The following COL5A2 variants were observed in gnomAD, a reference collection of about 807,000 sequenced individuals.
The protein encoded by COL5A2 is collagen type V alpha 2 chain, also known as collagen alpha-2(V) chain.
COL5A2 carries 23 observed loss-of-function variants against 208.2 expected under a neutral mutation model. The ratio of observed to expected loss-of-function variants is 0.11; its 90% CI spans 0.08 to 0.16. The LOEUF (loss-of-function observed/expected upper bound fraction) is 0.16. Among genes scored for constraint, COL5A2 ranks in the 10% least tolerant of loss-of-function variants. The pLI is 1.00. For missense variants in COL5A2, 1,590 were observed against 1,956.4 expected (o/e 0.81, Z 3.53); for synonymous variants, 625 against 628.5 (o/e 0.99, Z 0.08).
intron 49 of COL5A2, among the ~76,000 whole-genome samples, chr2:189,042,514 G>A (rs772308959): frequency 4.0e-5 from 6 of 151,884 alleles, no homozygotes; most frequent in South Asian, 2.1e-4. Context: ...ATTTTATTGC[G>A]GGCCCATGAG....
the COL5A2 span, among the ~76,000 whole-genome samples, chr2:189,277,210 A>C: frequency 2.6e-5 from 4 of 152,308 alleles, no homozygotes; most frequent in East Asian, 7.7e-4. Flanking sequence ...TATTAATAGC[A>C]TTAATATTGT....
At chr2:189,259,997 A>T in the COL5A2 span, among the ~76,000 whole-genome samples, 1 of 152,218 alleles carries the variant, frequency 6.6e-6, no homozygotes, top group African/African-American at 2.4e-5. Flanking sequence ...GAAATGCCCA[A>T]TGCTGGATAC....
intron 31 of COL5A2, 50 bp downstream of exon 31, chr2:189,060,680 A>C (rs758542567): frequency 6.8e-7 from 1 of 1,464,344 alleles, no homozygotes; most frequent in South Asian, 1.1e-5. Flanking sequence ...AAAAGTGATA[A>C]TTGAGCCAGC....
rs1689093264 is a variant in COL5A2 at position 189,202,649 on chromosome 2, G to C, written c.-42+22499C>G. Among the ~76,000 whole-genome samples the C allele has an allele frequency of 2.0e-5, 3 of 152,192 alleles. No homozygotes were observed. The South Asian group carries it at 6.2e-4, about 32-fold the overall frequency. ...TGTGGAGGGTAAATTGACATTGATG[G>C]GTTAGAGTGTGAGATTCCATAACTC... is the stretch of plus-strand genomic sequence containing the variant. On this transcript the variant is annotated intron_variant, in intron 1 of 10. Coordinates refer to the COL5A2 transcript ENST00000649966.
chr2:189,255,406 T>C, the COL5A2 span, among the ~76,000 whole-genome samples: 7 of 152,194 alleles, frequency 4.6e-5, no homozygotes, highest in African/African-American at 1.4e-4. Flanking sequence ...TCCATCCAAA[T>C]GGCAACCTTA....
chr2:189,232,869 G>A, the COL5A2 span, among the ~76,000 whole-genome samples: 85 of 151,756 alleles, frequency 5.6e-4, 2 homozygotes, highest in Non-Finnish European at 3.1e-4. Context: ...AAACTTCCCA[G>A]CCTTGAGAAC....
At chr2:189,380,979 T>C in the COL5A2 span, among the ~76,000 whole-genome samples, 2 of 151,952 alleles carry the variant, frequency 1.3e-5, no homozygotes, top group Admixed American at 6.6e-5. Context: ...GAAGCTGTGA[T>C]AAAAAGACTG....
intron 2 of COL5A2, among the ~76,000 whole-genome samples, chr2:189,105,749 T>A (rs1687136754): frequency 6.6e-6 from 1 of 151,490 alleles, no homozygotes; most frequent in South Asian, 2.1e-4. Context: ...TATAAAGAAA[T>A]TATCCTATGT....
At position 189,066,723 on chromosome 2, in the gene COL5A2, C is replaced by A. The variant is rs113512079; in HGVS notation, c.1455+6G>T. 233 of 1,611,290 alleles carry A rather than the reference C, an allele frequency of 1.4e-4. 1 individual carries two copies. The African/African-American group carries it at 2.4e-3, about 17-fold the overall frequency. ...TCTACTTATCATTAAAACAATGAAACCTTACTGGTTCCCCTTTTGGGCCAG... is the reference window on the plus strand; with the variant it reads ...TCTACTTATCATTAAAACAATGAAAACTTACTGGTTCCCCTTTTGGGCCAG... On this transcript the variant is annotated splice_donor_region_variant and intron_variant, in intron 22 of 53. Coordinates refer to ENST00000374866, the MANE Select transcript of COL5A2 (RefSeq NM_000393.5).
the COL5A2 span, among the ~76,000 whole-genome samples, chr2:189,402,893 G>T: frequency 6.6e-6 from 1 of 151,984 alleles, no homozygotes; most frequent in Non-Finnish European, 1.5e-5. Flanking sequence ...GGCTATTCAG[G>T]CTCCTTTTTG....
At chr2:189,338,441 C>T in the COL5A2 span, among the ~76,000 whole-genome samples, 1 of 152,034 alleles carries the variant, frequency 6.6e-6, no homozygotes, top group Non-Finnish European at 1.5e-5. Flanking sequence ...CCACCCTCAA[C>T]CAGCTCCACT....
intron 41 of COL5A2, 123 bp from the exon 42 acceptor site, chr2:189,051,604 G>C (rs1320937605): frequency 2.6e-6 from 2 of 766,758 alleles, no homozygotes; most frequent in Non-Finnish European, 3.9e-6. Context: ...TTACCTGTTA[G>C]ATAATCAGTC....
intron 16 of COL5A2, among the ~76,000 whole-genome samples, chr2:189,076,106 A>C (rs1383872747): frequency 6.6e-6 from 1 of 152,178 alleles, no homozygotes; most frequent in Admixed American, 6.5e-5. Context: ...ATTGCAACAC[A>C]ATTCAATTTC....
the COL5A2 span, among the ~76,000 whole-genome samples, chr2:189,376,569 G>A: frequency 2.6e-5 from 4 of 152,080 alleles, no homozygotes; most frequent in African/African-American, 4.8e-5. Flanking sequence ...TTCAAGTAAT[G>A]TTCAAGGTAA....
At position 189,053,024 on chromosome 2, in the gene COL5A2, A is replaced by C. The variant is rs2105563917; in HGVS notation, c.2554-6T>G. 2 of 1,608,632 alleles carry C rather than the reference A, an allele frequency of 1.2e-6. No individual in the cohort carries two copies. Among genetic ancestry groups the C allele is most frequent in the Non-Finnish European group, 1.7e-6 (2 of 1,175,142 alleles). ...CCAGGCTGTCCGTCAGGACCCTATA[A>C]AAAATTATACAAACAAGCAATTGAT... On this transcript the variant is annotated splice_polypyrimidine_tract_variant and splice_region_variant and intron_variant, in intron 38 of 53. Coordinates refer to ENST00000374866, the MANE Select transcript of COL5A2 (RefSeq NM_000393.5).
chr2:189,299,577 A>G, the COL5A2 span, among the ~76,000 whole-genome samples: 368 of 152,318 alleles, frequency 2.4e-3, 12 homozygotes, highest in Admixed American at 0.024. Context: ...AGGACATGAA[A>G]TATGATGGGT....
chr2:189,372,165 A>G, the COL5A2 span, among the ~76,000 whole-genome samples: 2 of 152,238 alleles, frequency 1.3e-5, no homozygotes, highest in African/African-American at 4.8e-5. Context: ...AGCCTCTAAA[A>G]TAGAAATTCC....
the COL5A2 span, among the ~76,000 whole-genome samples, chr2:189,420,638 A>G: frequency 6.6e-6 from 1 of 152,082 alleles, no homozygotes; most frequent in South Asian, 2.1e-4. Context: ...AATAAAATAT[A>G]AATTTAAAAG....
At chr2:189,048,890 A>G (rs539945800) in intron 44 of COL5A2, among the ~76,000 whole-genome samples, 14 of 152,324 alleles carry the variant, frequency 9.2e-5, no homozygotes, top group African/African-American at 3.1e-4. Flanking sequence ...TGCCTAAAGG[A>G]ACATGATATC....
Sources: allele counts gnomAD v4.1 joint callset (sites outside exome capture counted in the v4.1 genomes callset), GRCh38; gene constraint gnomAD v4.1.1; transcripts MANE v1.5; gene names NCBI Gene and HGNC (gene_info 2026-07-23, HGNC 2026-07-21).